DMD: variants seen among roughly 807,000 people sequenced by gnomAD.
DMD encodes the protein dystrophin, also known as mutant dystrophin.
In DMD, 63 loss-of-function variants were observed where a neutral mutation model predicts 330.1. The observed-to-expected ratio is 0.19, with a 90% CI of 0.16 to 0.24. The LOEUF (loss-of-function observed/expected upper bound fraction) is 0.24. Ranked by LOEUF, DMD falls within the 10% of genes least tolerant of loss-of-function variation. The pLI is 1.00. For missense variants in DMD, 3,344 were observed against 2,684.1 expected, an observed-to-expected ratio of 1.25 and a Z score of -5.43; for synonymous variants, 1,223 against 959.8, an observed-to-expected ratio of 1.27 and a Z score of -5.07.
At chrX:32,861,688 T>C (rs559091772) in intron 2 of DMD, among the ~76,000 whole-genome samples, 44 of 111,711 alleles carry the variant, frequency 3.9e-4, no homozygotes, top group African/African-American at 1.3e-3. Context: ...TATTGGGTGA[T>C]GGAATTTCTT....
intron 30 of DMD, among the ~76,000 whole-genome samples, chrX:32,409,601 T>C (rs1415752404): frequency 8.9e-6 from 1 of 111,778 alleles, no homozygotes; most frequent in Admixed American, 9.5e-5. Flanking sequence ...GTATAATAGC[T>C]TTGCCTATCA....
chrX:33,140,034 A>G (rs2047721848), intron 1 of DMD, among the ~76,000 whole-genome samples: 1 of 111,467 alleles, frequency 9.0e-6, no homozygotes, highest in African/African-American at 3.3e-5. Context: ...AGGACAGAAC[A>G]AGATCCTTAT....
intron 1 of DMD, among the ~76,000 whole-genome samples, chrX:33,240,156 CTT>C (rs1429866448): frequency 9.0e-6 from 1 of 111,518 alleles, no homozygotes; most frequent in Non-Finnish European, 1.9e-5. Flanking sequence ...CAATAGATCT[CTT>C]GATTTTATTT....
At chrX:31,365,950 A>G (rs2059206496) in intron 60 of DMD, among the ~76,000 whole-genome samples, 1 of 112,538 alleles carries the variant, frequency 8.9e-6, no homozygotes, top group Non-Finnish European at 1.9e-5. Context: ...CCACGAAAAT[A>G]AAAAAGCCAA....
At chrX:32,931,498 T>C (rs1569543444) in intron 2 of DMD, among the ~76,000 whole-genome samples, 1 of 111,950 alleles carries the variant, frequency 8.9e-6, no homozygotes, top group Non-Finnish European at 1.9e-5. Context: ...GCTGAATCTT[T>C]TGTTCACATG....
chrX:32,064,906 C>T (rs1366494524), intron 44 of DMD, among the ~76,000 whole-genome samples: 4 of 111,287 alleles, frequency 3.6e-5, no homozygotes, highest in Non-Finnish European at 7.6e-5. Context: ...CCCTAGCATG[C>T]TATCGATGCT....
At chrX:31,216,798 C>T (rs770507760) in intron 64 of DMD, among the ~76,000 whole-genome samples, 4 of 111,583 alleles carry the variant, frequency 3.6e-5, no homozygotes, top group South Asian at 7.6e-4. Flanking sequence ...ACAGAGAAGG[C>T]GGTGCATTTT....
intron 53 of DMD, among the ~76,000 whole-genome samples, chrX:31,670,663 T>A (rs2081708950): frequency 1.8e-5 from 2 of 111,921 alleles, no homozygotes; most frequent in African/African-American, 6.5e-5. Context: ...TTAGTTTTAC[T>A]TGTCTTGCAA....
At chrX:32,129,045 A>T (rs903759825) in intron 44 of DMD, among the ~76,000 whole-genome samples, 5 of 111,600 alleles carry the variant, frequency 4.5e-5, no homozygotes, top group African/African-American at 1.6e-4. Context: ...AATACCAAGG[A>T]CAGTTACAGT....
intron 17 of DMD, among the ~76,000 whole-genome samples, chrX:32,529,382 T>A (rs2047260447): frequency 3.4e-4 from 1 of 2,930 alleles, no homozygotes; most frequent in Admixed American, 8.3e-3. Flanking sequence ...AAATCAACTT[T>A]TTTTTTTTTT....
chrX:32,978,930 T>A (rs1286610373), intron 2 of DMD, among the ~76,000 whole-genome samples: 1 of 112,088 alleles, frequency 8.9e-6, no homozygotes, highest in Non-Finnish European at 1.9e-5. Flanking sequence ...TTAAACACAA[T>A]CTCACATAAA....
intron 60 of DMD, among the ~76,000 whole-genome samples, chrX:31,393,531 A>G (rs372397981): frequency 1.0e-4 from 11 of 110,159 alleles, no homozygotes; most frequent in African/African-American, 3.3e-4. Flanking sequence ...TTAAAATCAA[A>G]TATTCCATAG....
chrX:32,458,741 A>G (rs2148384381), intron 25 of DMD, among the ~76,000 whole-genome samples: 1 of 111,575 alleles, frequency 9.0e-6, no homozygotes, highest in South Asian at 3.7e-4. Flanking sequence ...CATTTTTCAG[A>G]TGATTAGTGA....
At chrX:31,367,077 G>A (rs1306554696) in intron 60 of DMD, among the ~76,000 whole-genome samples, 1 of 111,122 alleles carries the variant, frequency 9.0e-6, no homozygotes, top group Non-Finnish European at 1.9e-5. Flanking sequence ...TAGAAGGATG[G>A]AATCTTATCA....
chrX:31,198,284 T>C (rs965668860), intron 67 of DMD, among the ~76,000 whole-genome samples: 7 of 111,759 alleles, frequency 6.3e-5, no homozygotes, highest in Non-Finnish European at 7.5e-5. Context: ...ACAGGTGCAA[T>C]TGTTGTGCAT....
At chrX:33,092,406 T>C (rs1001330872) in intron 1 of DMD, among the ~76,000 whole-genome samples, 9 of 112,192 alleles carry the variant, frequency 8.0e-5, no homozygotes, top group African/African-American at 2.9e-4. Context: ...TTAATTTCAC[T>C]TTAAAGCTAA....
chrX:31,503,386 G>T (rs1034373875), intron 56 of DMD, among the ~76,000 whole-genome samples: 6 of 112,133 alleles, frequency 5.4e-5, no homozygotes, highest in African/African-American at 1.9e-4. Context: ...GCAGTTAAGT[G>T]ACTTGATCAA....
intron 2 of DMD, among the ~76,000 whole-genome samples, chrX:32,859,578 T>C (rs754125422): frequency 1.8e-5 from 2 of 111,152 alleles, no homozygotes; most frequent in Non-Finnish European, 3.8e-5. Context: ...TAAAATGTTT[T>C]CTATTAGTTT....
chrX:32,430,336 T>G (rs2148117419), intron 29 of DMD, among the ~76,000 whole-genome samples: 1 of 111,870 alleles, frequency 8.9e-6, no homozygotes, highest in South Asian at 3.7e-4. Context: ...TTAAGTGGTT[T>G]ATGTCACTGG....
Sources: allele counts gnomAD v4.1 joint callset (sites outside exome capture counted in the v4.1 genomes callset), GRCh38; gene constraint gnomAD v4.1.1; transcripts MANE v1.5; gene names NCBI Gene and HGNC (gene_info 2026-07-23, HGNC 2026-07-21).